Variants in MYLIP observed in about 807,000 individuals in gnomAD.
MYLIP encodes the protein myosin regulatory light chain interacting protein.
In MYLIP, 26 loss-of-function variants were observed where a neutral mutation model predicts 45.8. The observed-to-expected ratio is 0.57, with a 90% CI of 0.42 to 0.79. The LOEUF is 0.79. MYLIP is among the 30% of genes least tolerant of loss of function. MYLIP has a pLI of 0.00. For synonymous variants in MYLIP, 213 were observed against 218.1 expected, an observed-to-expected ratio of 0.98 and a Z score of 0.21; for missense variants, 494 against 555.6, an observed-to-expected ratio of 0.89 and a Z score of 1.11.
chr6:16,149,994 A>AC (rs1329185440), downstream of MYLIP, among the ~76,000 whole-genome samples: 2 of 152,198 alleles, frequency 1.3e-5, no homozygotes, highest in Non-Finnish European at 2.9e-5. Flanking sequence ...CGTGGGTTGG[A>AC]ACTTCCAGAG....
the MYLIP span, among the ~76,000 whole-genome samples, chr6:16,161,900 G>A: frequency 2.0e-5 from 3 of 152,140 alleles, no homozygotes; most frequent in South Asian, 2.1e-4. Context: ...GGAATGGACT[G>A]TCTATTAAGG....
the MYLIP span, among the ~76,000 whole-genome samples, chr6:16,159,688 C>T: frequency 9.8e-5 from 15 of 152,314 alleles, no homozygotes; most frequent in African/African-American, 3.6e-4. Context: ...TGGAATAAGG[C>T]TGTCTGCAAA....
the MYLIP span, among the ~76,000 whole-genome samples, chr6:16,154,229 G>C: frequency 5.9e-5 from 9 of 152,144 alleles, no homozygotes; most frequent in African/African-American, 1.9e-4. Flanking sequence ...TCAGCGTCTC[G>C]AATAGTTGCG....
At chr6:16,146,628 A>G (rs1047832965) in intron 6 of MYLIP, 34 bp from the exon 7 acceptor site, 1 of 1,572,836 alleles carries the variant, frequency 6.4e-7, no homozygotes, top group South Asian at 1.1e-5. Flanking sequence ...CGAGGCTTGC[A>G]TGCTAACAGA....
chr6:16,135,259 G>A (rs1298196678), intron 2 of MYLIP, among the ~76,000 whole-genome samples: 1 of 152,178 alleles, frequency 6.6e-6, no homozygotes, highest in Non-Finnish European at 1.5e-5. Flanking sequence ...AGATTTCAGG[G>A]CTGCCTAGAT....
chr6:16,162,741 A>G, the MYLIP span, among the ~76,000 whole-genome samples: 1 of 143,472 alleles, frequency 7.0e-6, no homozygotes, highest in African/African-American at 2.7e-5. Context: ...GCTTGAGTCC[A>G]GGAGTTCTAG....
chr6:16,143,935 CG>C (rs1311004568), intron 5 of MYLIP, 72 bp downstream of exon 5: 10 of 1,507,644 alleles, frequency 6.6e-6, no homozygotes, highest in Non-Finnish European at 8.1e-6. Flanking sequence ...CAGGTTTCTA[CG>C]GTTCCTTGGA....
intron 2 of MYLIP, among the ~76,000 whole-genome samples, chr6:16,140,067 G>A (rs918922012): frequency 7.2e-5 from 11 of 152,162 alleles, no homozygotes; most frequent in Admixed American, 4.6e-4. Context: ...CCTTGCTCAT[G>A]TTCCTCTACC....
At chr6:16,144,515 T>A (rs1211844983) in intron 5 of MYLIP, among the ~76,000 whole-genome samples, 3 of 152,244 alleles carry the variant, frequency 2.0e-5, no homozygotes, top group East Asian at 3.8e-4. Flanking sequence ...TAAACTTTTT[T>A]ATTTTAAAAT....
chr6:16,142,956 C>T (rs1561789499), intron 3 of MYLIP, 64 bp from the exon 4 acceptor site: 22 of 1,494,862 alleles, frequency 1.5e-5, no homozygotes, highest in Non-Finnish European at 1.9e-5. Flanking sequence ...GTGAAGACTA[C>T]ATAGGTTTAT....
At position 16,129,380 on chromosome 6, in the gene MYLIP, A is replaced by G. The variant is rs1759406173; in HGVS notation, c.58A>G (p.Lys20Glu). 1 of 1,594,712 alleles carries G rather than the reference A, an allele frequency of 6.3e-7. No individual in the cohort carries two copies. The highest frequency in any genetic ancestry group is 8.5e-7 in the Non-Finnish European group (1 of 1,171,068). Residue 20 changes from lysine to glutamate, a missense_variant, in exon 1 of 7, where the codon AAA (lysine) becomes GAA (glutamate). Transcript: ENST00000356840. The surrounding 1 kb of genome is among the most constrained non-coding windows in gnomAD (Gnocchi z 5.1). ...AVLMEVEVEA[K>E]ANGEDCLNQV... Reference sequence around the variant, plus strand: ...GCTGATGGAGGTGGAGGTGGAGGCGAAAGCCAACGGCGAGGACTGCCTCAA... The same window carrying G: ...GCTGATGGAGGTGGAGGTGGAGGCGGAAGCCAACGGCGAGGACTGCCTCAA...
chr6:16,151,088 G>A (rs1759872565), downstream of MYLIP, among the ~76,000 whole-genome samples: 2 of 152,000 alleles, frequency 1.3e-5, no homozygotes, highest in Non-Finnish European at 1.5e-5. Flanking sequence ...GGTGGCTCAC[G>A]CCTGTAACCC....
Position 16,129,240 on chromosome 6 carries a change from G to A in MYLIP, c.-83G>A, listed in dbSNP as rs1457592755. ...CGAGGGCCAGCCCTCTCCGAGTCCG[G>A]GGCTGGGTCCCACCAGTGACAAGGC... is the stretch of plus-strand genomic sequence containing the variant. On this transcript the variant is annotated 5_prime_UTR_variant, in exon 1 of 7. Coordinates refer to ENST00000356840, the MANE Select transcript of MYLIP (RefSeq NM_013262.4). This position sits in a 1 kb window ranked among gnomAD's most constrained non-coding sequence, Gnocchi z 5.1. 9.0e-6 allele frequency: 13 copies of A among 1,438,032 alleles called. No individual in the cohort carries two copies. The highest frequency in any genetic ancestry group is 1.2e-5 in the Non-Finnish European group (13 of 1,052,714). The allele number at this position is 1,438,032 out of a possible 1,614,324, so 89.1% of individuals were successfully genotyped here. A position where few individuals can be genotyped will look rare whatever the true frequency, so the allele number is the denominator to read the frequency against.
downstream of MYLIP, among the ~76,000 whole-genome samples, chr6:16,151,005 A>T (rs146303792): frequency 6.6e-6 from 1 of 152,210 alleles, no homozygotes; most frequent in East Asian, 1.9e-4. Flanking sequence ...CAAGAACAAT[A>T]TGAGAAAAAA....
At chr6:16,148,551 G>T (rs1362456369), downstream of MYLIP, among the ~76,000 whole-genome samples, 1 of 151,674 alleles carries the variant, frequency 6.6e-6, no homozygotes, top group African/African-American at 2.4e-5. Flanking sequence ...GGTTAGATTG[G>T]TATGTAGGGG....
At chr6:16,142,853 C>T (rs766191330) in intron 3 of MYLIP, among the ~76,000 whole-genome samples, 167 bp from the exon 4 acceptor site, 9 of 152,156 alleles carry the variant, frequency 5.9e-5, no homozygotes, top group African/African-American at 1.7e-4. Context: ...GTGTCTTAGA[C>T]GTTTTTTATA....
intron 2 of MYLIP, among the ~76,000 whole-genome samples, chr6:16,140,149 A>G (rs1759638573): frequency 1.3e-5 from 2 of 152,214 alleles, no homozygotes; most frequent in South Asian, 4.1e-4. Context: ...CAAAGTTACA[A>G]TTCATTTGTT....
chr6:16,129,105 G>A lies in MYLIP; in HGVS notation c.-218G>A. 5.4e-6 allele frequency: 3 copies of A among 554,530 alleles called. No individual in the cohort carries two copies. The highest frequency in any genetic ancestry group is 3.2e-5 in the East Asian group (1 of 31,706). The allele number at this position is 554,530 out of a possible 1,614,324, so 34.4% of individuals were successfully genotyped here. The stretch of plus-strand genomic sequence containing the variant: ...GCAGGCAGTTGGGCTGCTGGAGTGC[G>A]GCGCCACCGCGGAGGACAGGGGCAG... On this transcript the variant is annotated 5_prime_UTR_variant, in exon 1 of 7. Transcript: ENST00000356840. The surrounding 1 kb of genome is among the most constrained non-coding windows in gnomAD (Gnocchi z 5.1).
chr6:16,140,487 T>C (rs1053801520), intron 2 of MYLIP, among the ~76,000 whole-genome samples: 25 of 152,324 alleles, frequency 1.6e-4, no homozygotes, highest in South Asian at 6.2e-4. Context: ...AGCTCTCTGA[T>C]GTTCGAGGCA....
Sources: gnomAD v4.1 joint callset for allele counts (sites outside exome capture counted in the v4.1 genomes callset) on GRCh38, gnomAD v4.1.1 for gene constraint, Gnocchi (gnomAD v3.1) non-coding constraint, MANE v1.5 for transcripts, NCBI Gene and HGNC (gene_info 2026-07-23, HGNC 2026-07-21) for gene names.